Variants in PPP2R3B observed in about 807,000 individuals in gnomAD.
PPP2R3B encodes the protein serine/threonine-protein phosphatase 2A regulatory subunit B'' subunit beta.
Under a neutral mutation model 72.9 loss-of-function variants are expected in PPP2R3B, and 68 were observed. The observed-to-expected ratio is 0.93, with a 90% confidence interval of 0.77 to 1.14. PPP2R3B has a LOEUF of 1.14. Among genes scored for constraint, PPP2R3B ranks in the 50% most tolerant of loss-of-function variants. The pLI is 0.00. For missense variants in PPP2R3B, 1,018 were observed against 842.0 expected (o/e 1.21, Z -2.59); for synonymous variants, 466 against 375.8 (o/e 1.24, Z -2.78).
chrX:369,649 G>A (rs2071812411), intron 1 of PPP2R3B, among the ~76,000 whole-genome samples: 1 of 152,184 alleles, frequency 6.6e-6, no homozygotes, highest in South Asian at 2.1e-4. Context: ...CGCGACACCA[G>A]CCTCGGGCAG....
At chrX:372,999 C>T (rs1044534569) in intron 1 of PPP2R3B, among the ~76,000 whole-genome samples, 2 of 152,030 alleles carry the variant, frequency 1.3e-5, no homozygotes, top group Admixed American at 6.6e-5. Context: ...ATAAATAGTC[C>T]GGTATGTGAG....
intron 12 of PPP2R3B, chrX:335,699 G>A (rs2070870663): frequency 6.6e-6 from 1 of 152,258 alleles, no homozygotes; most frequent in Non-Finnish European, 1.5e-5. Context: ...GTGGTTCCCT[G>A]GGAAGAGGAG....
chrX:336,723 A>G (rs1025473419), intron 12 of PPP2R3B: 1 of 152,262 alleles, frequency 6.6e-6, no homozygotes, highest in African/African-American at 2.4e-5. Context: ...TCTATATGCT[A>G]CCAACGAACA....
rs1201827879 is a variant in PPP2R3B, at chrX:367,018, ACT to A, written c.325-5430_325-5429del. On this transcript the variant is annotated intron_variant, in intron 1 of 12. Transcript: ENST00000390665. ...CCTCCAGCCTGGGTGACAGAGTGAGACTCTGTCTCAAAAAAAAAAAAGTGAGA... is the reference window on the plus strand; with the variant it reads ...CCTCCAGCCTGGGTGACAGAGTGAGACTGTCTCAAAAAAAAAAAAGTGAGA... Among the ~76,000 whole-genome samples the A allele has an allele frequency of 1.8e-4, 27 of 147,686 alleles. No homozygotes were observed. In the Middle Eastern group the frequency reaches 0.01, roughly 56 times the overall value.
chrX:368,656 AC>A (rs2071784116), intron 1 of PPP2R3B, among the ~76,000 whole-genome samples: 1 of 91,732 alleles, frequency 1.1e-5, no homozygotes. Context: ...GGGACCACCC[AC>A]CCTGGGCACC....
Position 386,770 on chromosome X carries a change from C to A in PPP2R3B, c.-79G>T. ...GGGGCTTCGGTCCGCCCCGGACCGA[C>A]CTCGGTGATGCGAGCACGGCCCGCT... is the stretch of plus-strand genomic sequence containing the variant. On this transcript the variant is annotated 5_prime_UTR_variant, in exon 1 of 13. Transcript: ENST00000390665. 3 of 923,780 alleles carry A rather than the reference C, an allele frequency of 3.2e-6. No individual in the cohort carries two copies. The highest frequency in any genetic ancestry group is 1.4e-6 in the Non-Finnish European group (1 of 727,030). 57.2% of individuals were successfully genotyped at this position (923,780 alleles called of 1,614,324 possible).
At chrX:341,265 G>A in intron 9 of PPP2R3B, 42 bp downstream of exon 9, 1 of 1,601,686 alleles carries the variant, frequency 6.2e-7, no homozygotes, top group South Asian at 1.1e-5. Flanking sequence ...GCGGCTCCCG[G>A]CCCCTCCACT....
At chrX:356,905 C>G (rs1337404826) in intron 2 of PPP2R3B, among the ~76,000 whole-genome samples, 1 of 122,116 alleles carries the variant, frequency 8.2e-6, no homozygotes, top group African/African-American at 2.6e-5. Context: ...ACAGCGAGCC[C>G]CACGGTAACC....
rs781771339 is a variant in PPP2R3B, at chrX:334,470, C to T, written c.1625G>A (p.Arg542His). Residue 542 changes from arginine (R) to histidine (H), a missense_variant, in exon 13 of 13, where the codon CGC (arginine) becomes CAC (histidine). Arg to His is a conservative substitution (Grantham distance 29, BLOSUM62 0). Transcript: ENST00000390665. ...GAAGGGCCTCTGGGCCAGCGGGGAG[C>T]GCAGCGCACTCAGCTTCTGCTCCAC... ...SPVEQKLSALRSPLAQRPFFE... is the reference protein window; with the variant it reads ...SPVEQKLSALHSPLAQRPFFE... 66 of 1,591,294 alleles carry T rather than the reference C, an allele frequency of 4.1e-5. 2 individuals are homozygous for T. The South Asian group carries it at 4.7e-4, about 11-fold the overall frequency.
rs150186208 is a variant in PPP2R3B at position 362,196 on chromosome X, C to T, written c.325-606G>A. On this transcript the variant is annotated intron_variant, in intron 1 of 12. Transcript: ENST00000390665. ...ACAGCCCACGCCCACGGGCTCTTGGCCCCACTCAGCACCAGCACTCTCCTC... is the reference window on the plus strand; with the variant it reads ...ACAGCCCACGCCCACGGGCTCTTGGTCCCACTCAGCACCAGCACTCTCCTC... 2.8e-3 allele frequency: 445 copies of T among 159,240 alleles called. 3 individuals are homozygous for T. Among genetic ancestry groups the T allele is most frequent in the Middle Eastern group, 0.013 (4 of 308 alleles). The allele number at this position is 159,240 out of a possible 1,614,324, so 9.9% of individuals were successfully genotyped here.
Position 341,014 on chromosome X carries a change from C to G in PPP2R3B, c.1176-74G>C, listed in dbSNP as rs1318700368. On this transcript the variant is annotated intron_variant, in intron 9 of 12. Transcript: ENST00000390665. ...CGTGACCTGCAGCCCCTGAGGCAGCCCCCACCGGGGGTGCACGCGTCCCCG... is the reference window on the plus strand; with the variant it reads ...CGTGACCTGCAGCCCCTGAGGCAGCGCCCACCGGGGGTGCACGCGTCCCCG... The G allele has an allele frequency of 1.5e-5, 23 of 1,555,850 alleles. No individual in the cohort carries two copies. The Admixed American group carries it at 3.1e-4, about 21-fold the overall frequency.
At chrX:358,130 C>T (rs2071472068) in intron 2 of PPP2R3B, among the ~76,000 whole-genome samples, 3 of 152,242 alleles carry the variant, frequency 2.0e-5, no homozygotes, top group South Asian at 2.1e-4. Flanking sequence ...CAGTGACACC[C>T]CTACTCGTTC....
intron 8 of PPP2R3B, 121 bp from the exon 9 acceptor site, chrX:341,517 C>CCCCT (rs2071076369): frequency 3.1e-6 from 3 of 959,440 alleles, no homozygotes; most frequent in South Asian, 2.8e-5. Flanking sequence ...TCCTCCTGCC[C>CCCCT]CCCTCCTGCC....
intron 1 of PPP2R3B, among the ~76,000 whole-genome samples, chrX:384,016 T>A (rs1394212364): frequency 6.6e-6 from 1 of 151,926 alleles, no homozygotes; most frequent in African/African-American, 2.4e-5. Context: ...CAGAACAGAC[T>A]CTGTGGCAAA....
rs766417071 is a variant in PPP2R3B at position 338,580 on chromosome X, C to T, written c.1577+24G>A. 10 of 1,562,980 alleles carry T rather than the reference C, an allele frequency of 6.4e-6. No individual in the cohort carries two copies. In the African/African-American group the frequency reaches 7.0e-5, roughly 11 times the overall value. ...CCGTCCTCCCACTGACCCGTCCCCC[C>T]ACTCACCCGTCCTCCCCACTCACCC... On this transcript the variant is annotated intron_variant, in intron 12 of 12. Coordinates refer to ENST00000390665, the MANE Select transcript of PPP2R3B (RefSeq NM_013239.5).
intron 1 of PPP2R3B, among the ~76,000 whole-genome samples, chrX:381,356 G>A: frequency 6.6e-6 from 1 of 152,250 alleles, no homozygotes; most frequent in South Asian, 2.1e-4. Context: ...GTAAAACAAT[G>A]CCGTTCCTTT....
At chrX:379,229 G>A (rs2072068729) in intron 1 of PPP2R3B, among the ~76,000 whole-genome samples, 1 of 141,786 alleles carries the variant, frequency 7.1e-6, no homozygotes, top group African/African-American at 2.7e-5. Flanking sequence ...GCACCTGTGT[G>A]TATGCACCTA....
chrX:345,405 C>T, intron 7 of PPP2R3B, 111 bp downstream of exon 7: 1 of 1,415,662 alleles, frequency 7.1e-7, no homozygotes, highest in Non-Finnish European at 9.7e-7. Context: ...GAGGCAGCTG[C>T]AGACACAGAG....
At chrX:374,229 C>T (rs1410279787) in intron 1 of PPP2R3B, among the ~76,000 whole-genome samples, 1 of 152,160 alleles carries the variant, frequency 6.6e-6, no homozygotes, top group Non-Finnish European at 1.5e-5. Context: ...TGAGGTCCCC[C>T]CCCTCCACGA....
Sources: allele counts gnomAD v4.1 joint callset (sites outside exome capture counted in the v4.1 genomes callset), GRCh38; gene constraint gnomAD v4.1.1; transcripts MANE v1.5; gene names NCBI Gene and HGNC (gene_info 2026-07-23, HGNC 2026-07-21).